The following N4BP2 variants were observed in gnomAD, a reference collection of about 807,000 sequenced individuals.
The protein encoded by N4BP2 is NEDD4-binding protein 2.
N4BP2 carries 91 observed loss-of-function variants against 152.8 expected under a neutral mutation model. The observed-to-expected ratio is 0.60, with a 90% CI of 0.50 to 0.71. N4BP2 has a LOEUF of 0.71. Among genes scored for constraint, N4BP2 ranks in the 30% least tolerant of loss-of-function variants. The pLI, the probability that N4BP2 is intolerant of heterozygous loss-of-function variation, is 0.00. For missense variants in N4BP2, 1,923 were observed against 2,059.1 expected (o/e 0.93, Z 1.28); for synonymous variants, 646 against 705.3 (o/e 0.92, Z 1.33).
intron 2 of N4BP2, among the ~76,000 whole-genome samples, chr4:40,093,480 C>G (rs1714818173): frequency 6.6e-6 from 1 of 152,010 alleles, no homozygotes; most frequent in African/African-American, 2.4e-5. Flanking sequence ...GATCTTAGCT[C>G]ACTGCAACCT....
chr4:40,104,010 A>G (rs895789220), intron 4 of N4BP2, among the ~76,000 whole-genome samples: 7 of 151,890 alleles, frequency 4.6e-5, no homozygotes, highest in Non-Finnish European at 1.0e-4. Flanking sequence ...GCTGGAGTGC[A>G]GTGGCGCGAT....
intron 5 of N4BP2, among the ~76,000 whole-genome samples, chr4:40,109,619 G>A (rs981074395): frequency 1.3e-5 from 2 of 152,034 alleles, no homozygotes; most frequent in Non-Finnish European, 2.9e-5. Flanking sequence ...TTGAGAGGCT[G>A]AGGCAGGAGA....
At chr4:40,178,862 C>T in the N4BP2 span, among the ~76,000 whole-genome samples, 2 of 152,146 alleles carry the variant, frequency 1.3e-5, no homozygotes, top group Non-Finnish European at 2.9e-5. Context: ...AAACTCCCTG[C>T]CTCAAGTTCT....
intron 4 of N4BP2, among the ~76,000 whole-genome samples, chr4:40,105,075 T>TA (rs987490755): frequency 2.0e-5 from 3 of 152,164 alleles, no homozygotes; most frequent in African/African-American, 7.2e-5. Context: ...GTGCTGGGAT[T>TA]ACAGGCGTGA....
chr4:40,062,535 A>T (rs115150961), intron 1 of N4BP2, among the ~76,000 whole-genome samples: 84 of 147,348 alleles, frequency 5.7e-4, no homozygotes, highest in African/African-American at 2.0e-3. Context: ...GTGACTTTTC[A>T]TGGCCTTTAG....
chr4:40,183,559 A>G, the N4BP2 span, among the ~76,000 whole-genome samples: 3 of 152,172 alleles, frequency 2.0e-5, no homozygotes, highest in African/African-American at 7.2e-5. Flanking sequence ...GATGGTCTCG[A>G]CCTTCTGACC....
At chr4:40,163,516 T>C in the N4BP2 span, among the ~76,000 whole-genome samples, 8 of 152,194 alleles carry the variant, frequency 5.3e-5, no homozygotes, top group Non-Finnish European at 1.0e-4. Flanking sequence ...TTCTGCTAGA[T>C]TGGTTCTGGG....
rs1178676845 is a variant in N4BP2, at chr4:40,122,119, G to A, written c.4008G>A (p.Lys1336=). ...DEEEFMNEDE[K]EMKEILMAGS... is the part of the protein sequence containing the mutation. The stretch of plus-strand genomic sequence containing the variant: ...AAGAATTTATGAATGAAGATGAGAA[G>A]GAAATGAAGGAAATTCTAATGGCAG... Residue 1336 remains lysine (K), a synonymous_variant, in exon 9 of 18, where the codon AAG becomes AAA. Transcript: ENST00000261435. 5 of 1,593,864 alleles carry A rather than the reference G, an allele frequency of 3.1e-6. No homozygotes were observed. The highest frequency in any genetic ancestry group is 1.7e-5 in the Admixed American group (1 of 57,354).
At chr4:40,095,076 A>G (rs1293524861) in intron 2 of N4BP2, among the ~76,000 whole-genome samples, 1 of 149,882 alleles carries the variant, frequency 6.7e-6, no homozygotes, top group Non-Finnish European at 1.5e-5. Flanking sequence ...GAGTCTGGCC[A>G]GGGTTACTAT....
chr4:40,167,240 G>T, the N4BP2 span: 1 of 152,152 alleles, frequency 6.6e-6, no homozygotes, highest in Non-Finnish European at 1.5e-5. Flanking sequence ...TATATAATGG[G>T]AGTTCCAGAG....
intron 1 of N4BP2, among the ~76,000 whole-genome samples, chr4:40,063,710 C>A (rs997749544): frequency 6.6e-6 from 1 of 151,234 alleles, no homozygotes; most frequent in Admixed American, 6.6e-5. Context: ...ATGGTGTGAT[C>A]TCGGCTTACT....
intron 12 of N4BP2, among the ~76,000 whole-genome samples, chr4:40,129,497 G>A (rs2110011819): frequency 6.6e-6 from 1 of 152,276 alleles, no homozygotes; most frequent in South Asian, 2.1e-4. Flanking sequence ...AAAGTGCTAG[G>A]ATTATAGGTA....
intron 5 of N4BP2, among the ~76,000 whole-genome samples, chr4:40,107,321 C>T (rs1716401569): frequency 6.6e-6 from 1 of 152,018 alleles, no homozygotes; most frequent in African/African-American, 2.4e-5. Context: ...AGCAATCTGC[C>T]TCTCTTAGCC....
intron 15 of N4BP2, 97 bp from the exon 16 acceptor site, chr4:40,144,534 CT>C: frequency 3.2e-6 from 3 of 949,402 alleles, no homozygotes; most frequent in African/African-American, 1.7e-5. Flanking sequence ...TTATTATTCC[CT>C]TTTTCCCCCT....
chr4:40,159,259 G>A (rs1721791769), downstream of N4BP2, among the ~76,000 whole-genome samples: 1 of 152,204 alleles, frequency 6.6e-6, no homozygotes, highest in African/African-American at 2.4e-5. Flanking sequence ...TGGCTCCACA[G>A]TATATGTCTT....
At chr4:40,178,282 A>C in the N4BP2 span, among the ~76,000 whole-genome samples, 1 of 152,234 alleles carries the variant, frequency 6.6e-6, no homozygotes, top group Non-Finnish European at 1.5e-5. Flanking sequence ...TGTCAACACA[A>C]ATGGGATAGA....
intron 10 of N4BP2, among the ~76,000 whole-genome samples, chr4:40,123,787 T>G (rs1397517317): frequency 2.0e-5 from 3 of 148,662 alleles, no homozygotes; most frequent in Non-Finnish European, 4.5e-5. Context: ...GCCTGACCTG[T>G]TTTTTTTTTA....
At chr4:40,104,050 G>A (rs192532585) in intron 4 of N4BP2, among the ~76,000 whole-genome samples, 1 of 151,984 alleles carries the variant, frequency 6.6e-6, no homozygotes, top group Non-Finnish European at 1.5e-5. Flanking sequence ...CGCCTCCCAG[G>A]TTCATGCCAT....
intron 13 of N4BP2, among the ~76,000 whole-genome samples, chr4:40,132,584 A>C (rs1167087753): frequency 6.6e-6 from 1 of 152,100 alleles, no homozygotes; most frequent in Non-Finnish European, 1.5e-5. Context: ...TATTTGTTAG[A>C]TCCTGAGTTG....
Sources: gnomAD v4.1 joint callset for allele counts (sites outside exome capture counted in the v4.1 genomes callset) on GRCh38, gnomAD v4.1.1 for gene constraint, MANE v1.5 for transcripts, NCBI Gene and HGNC (gene_info 2026-07-23, HGNC 2026-07-21) for gene names.